The following BCL2L1 variants were observed in gnomAD, a reference collection of about 807,000 sequenced individuals.
BCL2L1 encodes the protein BCL2 like 1, also known as bcl-2-like protein 1.
BCL2L1 carries 1 observed loss-of-function variant against 18.7 expected under a neutral mutation model. That is an observed-to-expected ratio of 0.05 (90% CI 0.02 to 0.25). BCL2L1 has a LOEUF of 0.25. Ranked by LOEUF, BCL2L1 falls within the 10% of genes least tolerant of loss-of-function variation. BCL2L1 has a pLI of 1.00. For missense variants in BCL2L1, 207 were observed against 304.9 expected (o/e 0.68, Z 2.39); for synonymous variants, 103 against 122.7 (o/e 0.84, Z 1.06).
chr20:31,710,008 T>G (rs1256697462), intron 2 of BCL2L1, among the ~76,000 whole-genome samples: 1 of 152,144 alleles, frequency 6.6e-6, no homozygotes, highest in Non-Finnish European at 1.5e-5. Context: ...TGTTACATTC[T>G]TTTCACCTAT....
chr20:31,680,489 C>T (rs147886400), intron 2 of BCL2L1, among the ~76,000 whole-genome samples: 1 of 152,154 alleles, frequency 6.6e-6, no homozygotes. Context: ...ACAGTACTTG[C>T]AGAGAGAGTT....
At chr20:31,668,317 T>G (rs1015393895) in intron 2 of BCL2L1, among the ~76,000 whole-genome samples, 16 of 150,308 alleles carry the variant, frequency 1.1e-4, no homozygotes, top group African/African-American at 3.9e-4. Context: ...TTGATTTTTC[T>G]TCTCAGTTTT....
intron 2 of BCL2L1, among the ~76,000 whole-genome samples, chr20:31,703,395 T>C (rs1255628214): frequency 6.6e-6 from 1 of 151,838 alleles, no homozygotes; most frequent in Non-Finnish European, 1.5e-5. Context: ...GCCAGGCTGG[T>C]CTCGAACTCC....
intron 2 of BCL2L1, among the ~76,000 whole-genome samples, chr20:31,684,638 C>A (rs1255107916): frequency 6.6e-6 from 1 of 152,194 alleles, no homozygotes; most frequent in Non-Finnish European, 1.5e-5. Flanking sequence ...GCCAGATCTA[C>A]CCTTCTCATC....
chr20:31,670,241 T>C (rs2060647329), intron 2 of BCL2L1, among the ~76,000 whole-genome samples: 1 of 152,166 alleles, frequency 6.6e-6, no homozygotes, highest in African/African-American at 2.4e-5. Context: ...ACAAAAATAT[T>C]CTTACAGGAG....
intron 2 of BCL2L1, among the ~76,000 whole-genome samples, chr20:31,707,869 G>A (rs957061835): frequency 7.3e-5 from 11 of 151,690 alleles, no homozygotes; most frequent in Admixed American, 3.9e-4. Context: ...GAAAGATTAA[G>A]TATTTGCCAA....
In BCL2L1 at chr20:31,722,230, G is replaced by T; in HGVS notation, c.-12C>A. On this transcript the variant is annotated 5_prime_UTR_variant, in exon 2 of 3. Transcript: ENST00000307677. ...TTGCTCTGAGACATTTTTATAATAG[G>T]GATGGGCTCAACCAGTCCATTGTCC... 4.7e-6 allele frequency: 7 copies of T among 1,488,960 alleles called. No homozygotes were observed. Among genetic ancestry groups the T allele is most frequent in the Non-Finnish European group, 6.2e-6 (7 of 1,125,078 alleles). The allele number at this position is 1,488,960 out of a possible 1,614,324, so 92.2% of individuals were successfully genotyped here.
chr20:31,717,416 C>T (rs548428150), intron 2 of BCL2L1, among the ~76,000 whole-genome samples: 3 of 152,216 alleles, frequency 2.0e-5, no homozygotes, highest in South Asian at 4.1e-4. Context: ...GGGTAATTTT[C>T]GACAGAAGCT....
upstream of BCL2L1, chr20:31,722,965 G>A (rs2061661618): frequency 6.6e-6 from 1 of 152,294 alleles, no homozygotes; most frequent in Non-Finnish European, 1.5e-5. Flanking sequence ...TGGGAGCCAG[G>A]AGTACTCTCC....
upstream of BCL2L1, chr20:31,723,726 C>A: frequency 8.1e-6 from 8 of 985,474 alleles, no homozygotes; most frequent in Non-Finnish European, 9.6e-6. Flanking sequence ...GGGGAGGCGG[C>A]GCTCTCACCT....
At chr20:31,714,357 A>C (rs2061495008) in intron 2 of BCL2L1, among the ~76,000 whole-genome samples, 1 of 152,220 alleles carries the variant, frequency 6.6e-6, no homozygotes, top group African/African-American at 2.4e-5. Flanking sequence ...ACCATTGCAC[A>C]CAAACACTGT....
At chr20:31,683,750 C>T (rs922449438) in intron 2 of BCL2L1, among the ~76,000 whole-genome samples, 1 of 97,702 alleles carries the variant, frequency 1.0e-5, no homozygotes, top group East Asian at 4.3e-4. Context: ...GCCTGGGCAA[C>T]AAGAGTGAAA....
At chr20:31,708,009 C>T (rs2061396413) in intron 2 of BCL2L1, among the ~76,000 whole-genome samples, 1 of 152,158 alleles carries the variant, frequency 6.6e-6, no homozygotes, top group Admixed American at 6.5e-5. Context: ...GGAGCAGCTG[C>T]TGCCTGAGAG....
upstream of BCL2L1, chr20:31,723,636 G>C: frequency 1.0e-6 from 1 of 985,566 alleles, no homozygotes; most frequent in Non-Finnish European, 1.2e-6. Context: ...GTCCGCCCCA[G>C]CGCAGCCAAT....
At chr20:31,711,095 T>C (rs1309066547) in intron 2 of BCL2L1, among the ~76,000 whole-genome samples, 5 of 152,292 alleles carry the variant, frequency 3.3e-5, no homozygotes, top group East Asian at 1.9e-4. Flanking sequence ...AGGAGAGCAT[T>C]TGTGAGAACC....
chr20:31,679,577 T>C (rs145952642), intron 2 of BCL2L1, among the ~76,000 whole-genome samples: 93 of 152,294 alleles, frequency 6.1e-4, no homozygotes, highest in Non-Finnish European at 9.1e-4. Flanking sequence ...CAGCTGTACT[T>C]ACTTCACAGG....
intron 2 of BCL2L1, among the ~76,000 whole-genome samples, chr20:31,711,021 TAGA>T (rs1227372067): frequency 2.6e-5 from 4 of 152,190 alleles, no homozygotes; most frequent in Non-Finnish European, 5.9e-5. Flanking sequence ...CTCTGCCTCT[TAGA>T]AGATCTGTTA....
intron 2 of BCL2L1, among the ~76,000 whole-genome samples, chr20:31,692,375 G>A (rs1390007818): frequency 5.9e-5 from 9 of 152,358 alleles, no homozygotes; most frequent in African/African-American, 2.2e-4. Context: ...AAATGGATAC[G>A]AAAATGAACA....
chr20:31,717,024 G>C (rs2061547778), intron 2 of BCL2L1, among the ~76,000 whole-genome samples: 1 of 152,206 alleles, frequency 6.6e-6, no homozygotes, highest in Non-Finnish European at 1.5e-5. Flanking sequence ...AAAAGAGGGA[G>C]TCCTTAGGGA....
Sources: allele counts gnomAD v4.1 joint callset (sites outside exome capture counted in the v4.1 genomes callset), GRCh38; gene constraint gnomAD v4.1.1; transcripts MANE v1.5; gene names NCBI Gene and HGNC (gene_info 2026-07-23, HGNC 2026-07-21).